Variants in RTL4 observed in about 807,000 individuals in gnomAD.
RTL4 encodes retrotransposon Gag-like protein 4.
In RTL4, 4 loss-of-function variants were observed where a neutral mutation model predicts 5.3. The ratio of observed to expected loss-of-function variants is 0.75; its 90% CI spans 0.37 to 1.72. The LOEUF (loss-of-function observed/expected upper bound fraction) is 1.72. Ranked by LOEUF, RTL4 falls within the 40% of genes most tolerant of loss-of-function variation. The pLI, the probability that RTL4 is intolerant of heterozygous loss-of-function variation, is 0.04. For synonymous variants in RTL4, 98 were observed against 87.3 expected, an observed-to-expected ratio of 1.12 and a Z score of -0.68; for missense variants, 260 against 227.1, an observed-to-expected ratio of 1.14 and a Z score of -0.93.
chrX:112,237,981 A>T, the RTL4 span, among the ~76,000 whole-genome samples: 195 of 112,223 alleles, frequency 1.7e-3, no homozygotes, highest in Non-Finnish European at 2.9e-3. Context: ...ACACTTCTTC[A>T]GAGAAAATCC....
chrX:112,455,820 C>A, exon 1 of RTL4: 1 of 505,633 alleles, frequency 2.0e-6, no homozygotes, highest in Non-Finnish European at 3.1e-6. Flanking sequence ...AGATCTTGTT[C>A]ATTGGCAAAT....
At chrX:112,136,309 G>T in the RTL4 span, among the ~76,000 whole-genome samples, 1 of 111,585 alleles carries the variant, frequency 9.0e-6, no homozygotes, top group East Asian at 2.8e-4. Context: ...TAATTTGAAT[G>T]TATTTTATTT....
the RTL4 span, among the ~76,000 whole-genome samples, chrX:112,351,626 C>T: frequency 4.6e-3 from 498 of 108,251 alleles, 4 homozygotes; most frequent in African/African-American, 0.016. Context: ...ATGTAATGGC[C>T]TTCTTTGTCT....
chrX:112,331,678 A>T, the RTL4 span, among the ~76,000 whole-genome samples: 1 of 106,168 alleles, frequency 9.4e-6, no homozygotes, highest in East Asian at 2.9e-4. Context: ...AAAGGACTAT[A>T]AATCATGCTG....
chrX:112,119,573 T>C, the RTL4 span, among the ~76,000 whole-genome samples: 15 of 111,411 alleles, frequency 1.3e-4, no homozygotes, highest in South Asian at 5.0e-3. Flanking sequence ...CTCTCAAATA[T>C]GAAAGGAGGA....
At chrX:112,180,906 A>G in the RTL4 span, among the ~76,000 whole-genome samples, 1 of 112,218 alleles carries the variant, frequency 8.9e-6, no homozygotes, top group South Asian at 3.7e-4. Flanking sequence ...CCGAATCGGG[A>G]CAGCTCCAGT....
At chrX:112,375,322 C>T in the RTL4 span, among the ~76,000 whole-genome samples, 1 of 111,021 alleles carries the variant, frequency 9.0e-6, no homozygotes, top group African/African-American at 3.3e-5. Context: ...AAGTGGTTCT[C>T]AGGCAAGCTT....
At chrX:112,255,498 G>A in the RTL4 span, among the ~76,000 whole-genome samples, 1 of 111,648 alleles carries the variant, frequency 9.0e-6, no homozygotes, top group Non-Finnish European at 1.9e-5. Flanking sequence ...CTGGAAAATG[G>A]ATAATGATAC....
the RTL4 span, among the ~76,000 whole-genome samples, chrX:112,369,362 G>A: frequency 9.0e-6 from 1 of 111,532 alleles, no homozygotes; most frequent in Non-Finnish European, 1.9e-5. Flanking sequence ...TCACCCTCAG[G>A]CTTGGACTAT....
chrX:112,406,513 T>C, the RTL4 span, among the ~76,000 whole-genome samples: 4 of 110,964 alleles, frequency 3.6e-5, no homozygotes, highest in Non-Finnish European at 7.6e-5. Context: ...TGCTAAACCA[T>C]TCATGAGAAA....
At chrX:112,160,204 A>G in the RTL4 span, among the ~76,000 whole-genome samples, 1 of 111,982 alleles carries the variant, frequency 8.9e-6, no homozygotes, top group South Asian at 3.7e-4. Context: ...GTAGCTGTTT[A>G]TTGGTATTTG....
At chrX:112,386,192 C>A in the RTL4 span, among the ~76,000 whole-genome samples, 1 of 111,622 alleles carries the variant, frequency 9.0e-6, no homozygotes, top group Non-Finnish European at 1.9e-5. Flanking sequence ...GCATAATAAT[C>A]ATATCAGGGT....
the RTL4 span, among the ~76,000 whole-genome samples, chrX:112,288,428 G>A: frequency 8.9e-6 from 1 of 111,970 alleles, no homozygotes; most frequent in Non-Finnish European, 1.9e-5. Context: ...CACTGCCATA[G>A]CTATGGCTTG....
chrX:112,111,306 CCTCT>C, the RTL4 span, among the ~76,000 whole-genome samples: 2 of 110,378 alleles, frequency 1.8e-5, no homozygotes, highest in African/African-American at 6.6e-5. Flanking sequence ...TCTGTCTCTT[CCTCT>C]CTGTCTCCTT....
At chrX:112,307,970 C>T in the RTL4 span, among the ~76,000 whole-genome samples, 5 of 111,328 alleles carry the variant, frequency 4.5e-5, no homozygotes, top group East Asian at 2.8e-4. Flanking sequence ...GATGAGGAAA[C>T]GGAGGTTCAA....
the RTL4 span, among the ~76,000 whole-genome samples, chrX:112,109,339 A>G: frequency 8.9e-6 from 1 of 111,777 alleles, no homozygotes; most frequent in African/African-American, 3.2e-5. Flanking sequence ...TGGCCTGGAC[A>G]CAAAGAGTGA....
chrX:112,337,860 T>A, the RTL4 span, among the ~76,000 whole-genome samples: 2 of 111,018 alleles, frequency 1.8e-5, no homozygotes, highest in Non-Finnish European at 3.8e-5. Context: ...TCCCTGTAAG[T>A]CAAGAGTATG....
the RTL4 span, among the ~76,000 whole-genome samples, chrX:112,092,966 A>G: frequency 9.0e-6 from 1 of 111,085 alleles, no homozygotes; most frequent in African/African-American, 3.3e-5. Context: ...AATTCATTTC[A>G]CTTTAGTAAG....
chrX:112,337,036 C>T, the RTL4 span, among the ~76,000 whole-genome samples: 2 of 111,737 alleles, frequency 1.8e-5, no homozygotes, highest in Non-Finnish European at 3.8e-5. Flanking sequence ...AAATTCCTCA[C>T]TCACAGCCCA....
Sources: gnomAD v4.1 joint callset for allele counts (sites outside exome capture counted in the v4.1 genomes callset) on GRCh38, gnomAD v4.1.1 for gene constraint, MANE v1.5 for transcripts, NCBI Gene and HGNC (gene_info 2026-07-23, HGNC 2026-07-21) for gene names.